The following CCDC3 variants were observed in gnomAD, a reference collection of about 807,000 sequenced individuals.
CCDC3 encodes the protein coiled-coil domain containing 3.
Under a neutral mutation model 21.4 loss-of-function variants are expected in CCDC3, and 24 were observed. The observed-to-expected ratio is 1.12, with a 90% confidence interval of 0.81 to 1.58. CCDC3 has a LOEUF of 1.58. Ranked by LOEUF, CCDC3 falls within the 40% of genes most tolerant of loss-of-function variation. CCDC3 has a pLI of 0.00. For missense variants in CCDC3, 425 were observed against 360.9 expected (o/e 1.18, Z -1.44); for synonymous variants, 186 against 166.0 (o/e 1.12, Z -0.93).
chr10:12,955,625 T>C (rs1835071944), intron 2 of CCDC3, among the ~76,000 whole-genome samples: 1 of 152,180 alleles, frequency 6.6e-6, no homozygotes, highest in South Asian at 2.1e-4. Context: ...AGATCACAGC[T>C]CACTGCAGCC....
intron 3 of CCDC3, among the ~76,000 whole-genome samples, chr10:13,074,861 C>T (rs573643304): frequency 6.6e-6 from 1 of 152,150 alleles, no homozygotes; most frequent in Non-Finnish European, 1.5e-5. Flanking sequence ...TTATTTTGAT[C>T]CACATATCAC....
intron 2 of CCDC3, among the ~76,000 whole-genome samples, chr10:12,938,774 C>G (rs1376492254): frequency 1.3e-5 from 2 of 152,166 alleles, no homozygotes; most frequent in Non-Finnish European, 2.9e-5. Context: ...CCAAAAGTAA[C>G]TATTGTAACT....
rs1345002129 is a variant in CCDC3 at position 13,001,136 on chromosome 10, CGGCGACCTCGGGAGGT to C, written c.374+45_374+60del. ...GAGTTACCGGCCTGGCTCTAGGTAACGGCGACCTCGGGAGGTGGCGCAGAGAGAGAGAGAGGTGGCG... is the reference window on the plus strand; with the variant it reads ...GAGTTACCGGCCTGGCTCTAGGTAACGGCGCAGAGAGAGAGAGAGGTGGCG... On this transcript the variant is annotated intron_variant, in intron 1 of 2. Coordinates refer to ENST00000378825, the MANE Select transcript of CCDC3 (RefSeq NM_031455.4). The C allele has an allele frequency of 1.7e-5, 26 of 1,511,302 alleles. No individual in the cohort carries two copies. The East Asian group carries it at 6.5e-4, about 38-fold the overall frequency. 93.6% of individuals were successfully genotyped at this position (1,511,302 alleles called of 1,614,324 possible).
rs550892746 is a variant in CCDC3 at position 13,082,186 on chromosome 10, T to C, written c.-502-8086A>G. On this transcript the variant is annotated intron_variant, in intron 3 of 6. Transcript: ENST00000378839. ...TGTGGAGACTGATAGTGACCCCAAA[T>C]GCCAGGCTGTGCTGTTATTTATTGG... Among the ~76,000 whole-genome samples the C allele has an allele frequency of 4.6e-5, 7 of 151,958 alleles. No individual in the cohort carries two copies. The East Asian group carries it at 7.8e-4, about 17-fold the overall frequency.
At position 13,001,382 on chromosome 10, in the gene CCDC3, G is replaced by A; in HGVS notation, c.189C>T (p.Pro63=). ...PEAPGLYNHL[P]WQYHAGQGGL... ...CCCCCTGGCCGGCGTGGTACTGCCA[G>A]GGCAGGTGGTTGTAGAGGCCGGGCG... is the stretch of plus-strand genomic sequence containing the variant. The change falls in exon 1 of 3, where the codon CCC becomes CCT. Residue 63 remains proline, a synonymous_variant. Coordinates refer to ENST00000378825, the MANE Select transcript of CCDC3 (RefSeq NM_031455.4). 1 of 1,588,790 alleles carries A rather than the reference G, an allele frequency of 6.3e-7. No individual in the cohort carries two copies. The highest frequency in any genetic ancestry group is 8.6e-7 in the Non-Finnish European group (1 of 1,168,750).
At chr10:13,040,666 G>C (rs1237696796) in intron 5 of CCDC3, among the ~76,000 whole-genome samples, 1 of 146,952 alleles carries the variant, frequency 6.8e-6, no homozygotes, top group Non-Finnish European at 1.5e-5. Flanking sequence ...CTGTAGCCTG[G>C]GCAACAAGAG....
chr10:12,935,194 G>A (rs995048193), intron 2 of CCDC3, among the ~76,000 whole-genome samples: 3 of 152,060 alleles, frequency 2.0e-5, no homozygotes, highest in Non-Finnish European at 2.9e-5. Flanking sequence ...TTATATTAAA[G>A]TGAGCTTTTT....
At chr10:12,996,137 A>C (rs1835758221) in intron 2 of CCDC3, among the ~76,000 whole-genome samples, 1 of 152,230 alleles carries the variant, frequency 6.6e-6, no homozygotes, top group South Asian at 2.1e-4. Context: ...GCTCAGGCTT[A>C]GACTTGCTGG....
At chr10:13,092,191 T>A (rs1436421528) in intron 3 of CCDC3, among the ~76,000 whole-genome samples, 3 of 152,120 alleles carry the variant, frequency 2.0e-5, no homozygotes, top group African/African-American at 7.2e-5. Context: ...AAACAATTCG[T>A]GAGTATGGGA....
chr10:12,910,759 T>G (rs1834260361), intron 2 of CCDC3, among the ~76,000 whole-genome samples: 1 of 151,954 alleles, frequency 6.6e-6, no homozygotes, highest in African/African-American at 2.4e-5. Context: ...ACAGGCACCC[T>G]AATTTTTGTA....
chr10:12,900,898 G>A (rs1834082702), intron 2 of CCDC3, among the ~76,000 whole-genome samples: 1 of 152,112 alleles, frequency 6.6e-6, no homozygotes, highest in African/African-American at 2.4e-5. Flanking sequence ...ACCCACTTCA[G>A]TACTAAAGGA....
At chr10:13,000,036 G>A (rs958090237) in intron 1 of CCDC3, among the ~76,000 whole-genome samples, 3 of 152,170 alleles carry the variant, frequency 2.0e-5, no homozygotes, top group Non-Finnish European at 4.4e-5. Flanking sequence ...GAAAACATGT[G>A]TTGCCATGCA....
chr10:13,055,855 G>A (rs1836675113), intron 4 of CCDC3, among the ~76,000 whole-genome samples: 1 of 152,176 alleles, frequency 6.6e-6, no homozygotes, highest in South Asian at 2.1e-4. Flanking sequence ...CTAGCTGCCT[G>A]CCTTTGAGTC....
chr10:13,019,029 C>A (rs368495096), intron 5 of CCDC3, among the ~76,000 whole-genome samples: 1 of 151,172 alleles, frequency 6.6e-6, no homozygotes, highest in Non-Finnish European at 1.5e-5. Flanking sequence ...GTCAGGAGAT[C>A]GAGACCATCC....
At chr10:13,073,077 G>A (rs1163148099) in intron 4 of CCDC3, among the ~76,000 whole-genome samples, 1 of 151,926 alleles carries the variant, frequency 6.6e-6, no homozygotes, top group Non-Finnish European at 1.5e-5. Flanking sequence ...TGTTGGTCAG[G>A]CTGGTCTTGA....
chr10:12,938,059 A>C (rs1447787804), intron 2 of CCDC3, among the ~76,000 whole-genome samples: 1 of 152,152 alleles, frequency 6.6e-6, no homozygotes, highest in African/African-American at 2.4e-5. Flanking sequence ...CCCACATGGA[A>C]TTCTCTCCAT....
intron 3 of CCDC3, chr10:13,074,153 A>ATATATATATATATATTTTTTTT (rs1365749317): frequency 3.1e-5 from 2 of 64,308 alleles, no homozygotes; most frequent in African/African-American, 1.4e-4. Flanking sequence ...ATATATATAT[A>ATATATATATATATATTTTTTTT]TTTTTTTTTT....
chr10:13,054,858 G>A (rs570198690), intron 4 of CCDC3, among the ~76,000 whole-genome samples: 3 of 152,292 alleles, frequency 2.0e-5, no homozygotes, highest in South Asian at 4.1e-4. Context: ...GTAGAGATGC[G>A]GTTTCACCAT....
intron 4 of CCDC3, among the ~76,000 whole-genome samples, chr10:13,050,494 C>T (rs1179596285): frequency 2.0e-5 from 3 of 147,238 alleles, no homozygotes; most frequent in Non-Finnish European, 4.5e-5. Context: ...GGAGTCTCGC[C>T]CTATAACCCA....
Sources: allele counts gnomAD v4.1 joint callset (sites outside exome capture counted in the v4.1 genomes callset), GRCh38; gene constraint gnomAD v4.1.1; transcripts MANE v1.5; gene names NCBI Gene and HGNC (gene_info 2026-07-23, HGNC 2026-07-21).